MICU3: variants seen among roughly 807,000 people sequenced by gnomAD.
MICU3 encodes the protein mitochondrial calcium uptake 3.
A neutral mutation model predicts 66.5 loss-of-function variants in MICU3; 62 were observed. The observed-to-expected ratio is 0.93, with a 90% CI of 0.76 to 1.15. The LOEUF (loss-of-function observed/expected upper bound fraction) is 1.15, where lower values mean the gene tolerates loss of function less well. Among genes scored for constraint, MICU3 ranks in the 50% most tolerant of loss-of-function variants. The pLI is 0.00. For missense variants in MICU3, 779 were observed against 664.4 expected (o/e 1.17, Z -1.90); for synonymous variants, 308 against 240.7 (o/e 1.28, Z -2.59).
At chr8:17,110,054 G>A (rs375171699) in intron 11 of MICU3, among the ~76,000 whole-genome samples, 1 of 152,040 alleles carries the variant, frequency 6.6e-6, no homozygotes, top group South Asian at 2.1e-4. Context: ...AATAAACTTT[G>A]AACAGTATAT....
rs117334845 is a variant in MICU3 at position 17,105,536 on chromosome 8, T to C, written c.1209T>C (p.Asn403=). ...HILLRYTNVE[N]TSVFLENVRY... ...TTTTACGATATACAAATGTGGAAAA[T>C]ACATCAGTATTTTTAGAAAATGTGC... is the stretch of plus-strand genomic sequence containing the variant. The change falls in exon 11 of 15, where the codon AAT becomes AAC. Residue 403 remains asparagine, a synonymous_variant. Transcript: ENST00000318063. The C allele has an allele frequency of 1.1e-4, 168 of 1,570,186 alleles. No individual in the cohort carries two copies. The highest frequency in any genetic ancestry group is 1.3e-4 in the Non-Finnish European group (154 of 1,156,364).
At chr8:17,092,632 ATAAAC>A (rs1175598960) in intron 8 of MICU3, among the ~76,000 whole-genome samples, 1 of 152,000 alleles carries the variant, frequency 6.6e-6, no homozygotes, top group African/African-American at 2.4e-5. Context: ...ACTTGGTTAG[ATAAAC>A]TAAATTTCCT....
At chr8:17,063,358 A>T (rs1439780880) in intron 1 of MICU3, among the ~76,000 whole-genome samples, 2 of 152,174 alleles carry the variant, frequency 1.3e-5, no homozygotes, top group Non-Finnish European at 2.9e-5. Flanking sequence ...ATTATACTTA[A>T]CAAATTTTTT....
intron 1 of MICU3, among the ~76,000 whole-genome samples, chr8:17,042,000 C>T (rs1410631782): frequency 6.6e-6 from 1 of 152,188 alleles, no homozygotes; most frequent in African/African-American, 2.4e-5. Flanking sequence ...GAAATCTTTA[C>T]ATTTGTTCAT....
Position 17,059,140 on chromosome 8 carries a change from T to C in MICU3, c.382-4944T>C, listed in dbSNP as rs552066441. 5.9e-5 allele frequency among the ~76,000 whole-genome samples: 9 copies of C among 152,324 alleles called. No individual in the cohort carries two copies. The South Asian group carries it at 1.4e-3, about 25-fold the overall frequency. ...TATAAGCTTAAAAGAATGCAAATAA[T>C]AGAGTTTCATCCAATATAGTTTGAG... On this transcript the variant is annotated intron_variant, in intron 1 of 14. Coordinates refer to ENST00000318063, the MANE Select transcript of MICU3 (RefSeq NM_181723.3).
At chr8:17,050,061 G>T (rs1211595464) in intron 1 of MICU3, among the ~76,000 whole-genome samples, 1 of 151,898 alleles carries the variant, frequency 6.6e-6, no homozygotes, top group African/African-American at 2.4e-5. Context: ...TGGAAATTTT[G>T]ATTGTTTCTA....
At chr8:17,028,743 C>G (rs1217023095) in intron 1 of MICU3, among the ~76,000 whole-genome samples, 6 of 152,164 alleles carry the variant, frequency 3.9e-5, no homozygotes, top group Non-Finnish European at 8.8e-5. Flanking sequence ...AGTCCTTTTA[C>G]ACATGAATAT....
intron 14 of MICU3, among the ~76,000 whole-genome samples, chr8:17,119,463 T>C: frequency 6.6e-6 from 1 of 152,184 alleles, no homozygotes; most frequent in South Asian, 2.1e-4. Flanking sequence ...GGAGATTTTA[T>C]TGTTGGTTTA....
At chr8:17,127,624 T>C (rs543058297), downstream of MICU3, among the ~76,000 whole-genome samples, 2 of 152,378 alleles carry the variant, frequency 1.3e-5, no homozygotes, top group Admixed American at 6.5e-5. Flanking sequence ...ATTATGCTAC[T>C]AATTCAGTTT....
At chr8:17,033,668 A>G (rs902187042) in intron 1 of MICU3, among the ~76,000 whole-genome samples, 1 of 152,058 alleles carries the variant, frequency 6.6e-6, no homozygotes, top group African/African-American at 2.4e-5. Context: ...TGATGTCCTG[A>G]CTTCGTGATT....
At chr8:17,131,154 G>A in the MICU3 span, 1 of 152,116 alleles carries the variant, frequency 6.6e-6, no homozygotes, top group Non-Finnish European at 1.5e-5. Context: ...TTAGAATAAT[G>A]GCAAATTGAC....
At chr8:17,120,060 G>A (rs753340422) in intron 14 of MICU3, among the ~76,000 whole-genome samples, 5 of 152,164 alleles carry the variant, frequency 3.3e-5, no homozygotes, top group South Asian at 2.1e-4. Context: ...GTAATAGTGC[G>A]TAGAGCCATA....
chr8:17,055,836 C>T (rs1816837260), intron 1 of MICU3, among the ~76,000 whole-genome samples: 1 of 152,182 alleles, frequency 6.6e-6, no homozygotes, highest in African/African-American at 2.4e-5. Context: ...AGGAAGTTAG[C>T]CTACCCTGTC....
At chr8:17,132,125 C>T in the MICU3 span, 2 of 151,922 alleles carry the variant, frequency 1.3e-5, no homozygotes, top group African/African-American at 2.4e-5. Flanking sequence ...AGTCTGTTGC[C>T]CAAAGACTAA....
At chr8:17,070,091 A>T (rs571385722) in intron 3 of MICU3, among the ~76,000 whole-genome samples, 80 of 152,190 alleles carry the variant, frequency 5.3e-4, no homozygotes, top group Admixed American at 4.5e-3. Flanking sequence ...GTTGAACTTG[A>T]ATAGACTCTG....
At chr8:17,124,605 C>T (rs1175956297), downstream of MICU3, among the ~76,000 whole-genome samples, 1 of 151,864 alleles carries the variant, frequency 6.6e-6, no homozygotes, top group East Asian at 1.9e-4. Context: ...CTCTATCTCC[C>T]AGGTCATCCT....
chr8:17,133,994 C>T, the MICU3 span: 1 of 152,180 alleles, frequency 6.6e-6, no homozygotes, highest in African/African-American at 2.4e-5. Flanking sequence ...GTAAATTCCT[C>T]TTTTTAATTT....
intron 5 of MICU3, 120 bp from the exon 6 acceptor site, chr8:17,085,116 A>G (rs934064623): frequency 5.4e-6 from 3 of 560,382 alleles, no homozygotes; most frequent in South Asian, 6.5e-5. Flanking sequence ...ATATACTTTT[A>G]TACGCTTTCT....
At chr8:17,104,308 A>T (rs1172974295) in intron 9 of MICU3, 83 bp from the exon 10 acceptor site, 1 of 582,732 alleles carries the variant, frequency 1.7e-6, no homozygotes, top group Admixed American at 3.1e-5. Context: ...TATGTTGATA[A>T]CAGAATTCTT....
Sources: gnomAD v4.1 joint callset for allele counts (sites outside exome capture counted in the v4.1 genomes callset) on GRCh38, gnomAD v4.1.1 for gene constraint, MANE v1.5 for transcripts, NCBI Gene and HGNC (gene_info 2026-07-23, HGNC 2026-07-21) for gene names.